KDM4B: variants seen among roughly 807,000 people sequenced by gnomAD.
KDM4B encodes the protein lysine-specific demethylase 4B.
KDM4B carries 32 observed loss-of-function variants against 125.2 expected under a neutral mutation model. The observed-to-expected ratio is 0.26, with a 90% CI of 0.19 to 0.34. The LOEUF (loss-of-function observed/expected upper bound fraction) is 0.34. Among genes scored for constraint, KDM4B ranks in the 10% least tolerant of loss-of-function variants. KDM4B has a pLI of 1.00. For missense variants in KDM4B, 1,190 were observed against 1,577.7 expected (o/e 0.75, Z 4.16); for synonymous variants, 721 against 677.9 (o/e 1.06, Z -0.99).
intron 9 of KDM4B, among the ~76,000 whole-genome samples, chr19:5,099,499 A>G (rs756446054): frequency 6.6e-6 from 1 of 152,260 alleles, no homozygotes; most frequent in Non-Finnish European, 1.5e-5. Context: ...GGAGCAGTAG[A>G]TGAACTGGAA....
intron 6 of KDM4B, among the ~76,000 whole-genome samples, chr19:5,050,124 A>G (rs909472052): frequency 6.6e-6 from 1 of 152,228 alleles, no homozygotes. Flanking sequence ...CTTAATTGCA[A>G]CCATTTCAGA....
intron 6 of KDM4B, among the ~76,000 whole-genome samples, chr19:5,057,637 C>G (rs1483103480): frequency 1.3e-5 from 2 of 152,186 alleles, no homozygotes; most frequent in Non-Finnish European, 2.9e-5. Context: ...GCCCCTGGCT[C>G]CACGTCCTTG....
chr19:4,981,814 G>C (rs1033167430), intron 1 of KDM4B, among the ~76,000 whole-genome samples: 2 of 152,172 alleles, frequency 1.3e-5, no homozygotes, highest in African/African-American at 4.8e-5. Flanking sequence ...GGGTTACCTG[G>C]GGTGCCCCAT....
Position 5,143,918 on chromosome 19 carries a change from C to G in KDM4B, c.2551-49C>G, listed in dbSNP as rs941056064. ...GGGGCCGGGGACTCCGTTCCAGGGT[C>G]CCTAGGGAAGCTCGAGCCCCATGCC... On this transcript the variant is annotated intron_variant, in intron 18 of 22. Coordinates refer to ENST00000159111, the MANE Select transcript of KDM4B (RefSeq NM_015015.3). The G allele has an allele frequency of 2.9e-5, 42 of 1,452,668 alleles. No individual in the cohort carries two copies. The East Asian group carries it at 7.8e-4, about 27-fold the overall frequency. The allele number at this position is 1,452,668 out of a possible 1,614,324, so 90.0% of individuals were successfully genotyped here. A position where few individuals can be genotyped will look rare whatever the true frequency, so the allele number is the denominator to read the frequency against.
intron 5 of KDM4B, among the ~76,000 whole-genome samples, chr19:5,043,799 CCG>C (rs2036924787): frequency 7.4e-6 from 1 of 135,184 alleles, no homozygotes; most frequent in Non-Finnish European, 1.6e-5. Flanking sequence ...CCACCTTATC[CCG>C]CGTGGTGTTT....
chr19:5,052,704 C>G (rs1027560875), intron 6 of KDM4B, among the ~76,000 whole-genome samples: 1 of 152,258 alleles, frequency 6.6e-6, no homozygotes, highest in African/African-American at 2.4e-5. Flanking sequence ...GGCCTCTGCC[C>G]TGTCCCTTGG....
At chr19:5,129,206 C>T (rs889832818) in intron 11 of KDM4B, among the ~76,000 whole-genome samples, 9 of 151,948 alleles carry the variant, frequency 5.9e-5, no homozygotes, top group African/African-American at 7.3e-5. Flanking sequence ...AGGGCAGGGC[C>T]GCCTCCACTC....
chr19:5,048,568 G>A (rs1026402471), intron 6 of KDM4B, among the ~76,000 whole-genome samples: 3 of 151,346 alleles, frequency 2.0e-5, no homozygotes, highest in East Asian at 1.9e-4. Flanking sequence ...CGCCTTGCCT[G>A]GCCCTTCCCT....
At chr19:5,044,761 A>C in intron 5 of KDM4B, among the ~76,000 whole-genome samples, 1 of 148,132 alleles carries the variant, frequency 6.8e-6, no homozygotes, top group African/African-American at 2.5e-5. Context: ...CCTCTCCCCC[A>C]TCCCTCTCCT....
At chr19:5,139,379 C>T (rs1035236544) in intron 18 of KDM4B, among the ~76,000 whole-genome samples, 14 of 152,198 alleles carry the variant, frequency 9.2e-5, no homozygotes, top group African/African-American at 2.9e-4. Flanking sequence ...TTGTGGGTTG[C>T]GCCGCAGCGG....
At chr19:5,134,107 C>T (rs768624884) in intron 14 of KDM4B, 46 bp downstream of exon 14, 11 of 1,536,432 alleles carry the variant, frequency 7.2e-6, no homozygotes, top group Non-Finnish European at 9.6e-6. Flanking sequence ...CAGGCAGGGG[C>T]GGTGGGAGAG....
intron 9 of KDM4B, among the ~76,000 whole-genome samples, chr19:5,101,870 G>T (rs978833379): frequency 1.3e-4 from 20 of 152,184 alleles, no homozygotes; most frequent in African/African-American, 4.8e-4. Context: ...TAGCCCTCCA[G>T]CCTCCTGCCT....
At chr19:5,121,632 C>CA (rs1178734329) in intron 11 of KDM4B, among the ~76,000 whole-genome samples, 2 of 151,818 alleles carry the variant, frequency 1.3e-5, no homozygotes, top group South Asian at 2.1e-4. Flanking sequence ...TAAACCTAAC[C>CA]AAAAAAATGA....
chr19:5,151,694 G>A lies in KDM4B; in HGVS notation c.*183G>A, dbSNP rs1016864181. On this transcript the variant is annotated 3_prime_UTR_variant, in exon 23 of 23. Transcript: ENST00000159111. ...CCGCACGCGGCCCCAGACTCAGGGAGCAGGGCCAGGCGGGCTCGGGGGCCG... is the reference window on the plus strand; with the variant it reads ...CCGCACGCGGCCCCAGACTCAGGGAACAGGGCCAGGCGGGCTCGGGGGCCG... 8.8e-6 allele frequency: 4 copies of A among 456,020 alleles called. No homozygotes were observed. The highest frequency in any genetic ancestry group is 1.1e-5 in the Non-Finnish European group (3 of 278,896). 28.2% of individuals were successfully genotyped at this position (456,020 alleles called of 1,614,324 possible).
intron 21 of KDM4B, 91 bp from the exon 22 acceptor site, chr19:5,150,267 G>A (rs2039923335): frequency 9.3e-7 from 1 of 1,071,294 alleles, no homozygotes; most frequent in East Asian, 2.6e-5. Context: ...CACCCAAGGG[G>A]GCTGGCCTCC....
chr19:4,998,797 C>T (rs1294258782), intron 1 of KDM4B, among the ~76,000 whole-genome samples: 1 of 152,198 alleles, frequency 6.6e-6, no homozygotes, highest in Non-Finnish European at 1.5e-5. Flanking sequence ...TACAGGCCGT[C>T]ATTCTGTTAA....
At chr19:5,069,891 G>A (rs552701708) in intron 6 of KDM4B, among the ~76,000 whole-genome samples, 1 of 152,340 alleles carries the variant, frequency 6.6e-6, no homozygotes, top group East Asian at 1.9e-4. Flanking sequence ...ACAGGCATGA[G>A]CCACCGCGCC....
rs2034240605 is a variant in KDM4B at position 4,971,045 on chromosome 19, C to T, written c.-109+1815C>T. On this transcript the variant is annotated intron_variant, in intron 1 of 22. Transcript: ENST00000159111. This position sits in a 1 kb window ranked among gnomAD's most constrained non-coding sequence, Gnocchi z 4.1. ...TGTGTACAGGCTGTTTTGGTGGAAG[C>T]GTCTACTGTGTCAGGAGCTGCGGGT... 6.6e-6 allele frequency among the ~76,000 whole-genome samples: 1 copy of T among 152,044 alleles called. No individual in the cohort carries two copies. The highest frequency in any genetic ancestry group is 2.1e-4 in the South Asian group (1 of 4,820).
At position 5,139,846 on chromosome 19, in the gene KDM4B, A is replaced by G. The variant is rs1020886719; in HGVS notation, c.2550+1776A>G. 6.6e-5 allele frequency among the ~76,000 whole-genome samples: 10 copies of G among 152,358 alleles called. No homozygotes were observed. The South Asian group carries it at 2.1e-3, about 32-fold the overall frequency. Reference sequence around the variant, plus strand: ...ATTGAGGCCCCCCGTAGATGCGCGCAGCCACCTTGGGCGTAGCGGGGCCTC... The same window carrying G: ...ATTGAGGCCCCCCGTAGATGCGCGCGGCCACCTTGGGCGTAGCGGGGCCTC... On this transcript the variant is annotated intron_variant, in intron 18 of 22. Transcript: ENST00000159111.
Sources: allele counts gnomAD v4.1 joint callset (sites outside exome capture counted in the v4.1 genomes callset), GRCh38; gene constraint gnomAD v4.1.1; non-coding constraint Gnocchi (gnomAD v3.1); transcripts MANE v1.5; gene names NCBI Gene and HGNC (gene_info 2026-07-23, HGNC 2026-07-21).